The following PEPD variants were observed in gnomAD, a reference collection of about 807,000 sequenced individuals.
PEPD encodes peptidase D, also known as xaa-Pro dipeptidase.
In PEPD, 53 loss-of-function variants were observed where a neutral mutation model predicts 60.7. The observed-to-expected ratio is 0.87, with a 90% CI of 0.70 to 1.10. PEPD has a LOEUF of 1.10. Ranked by LOEUF, PEPD falls within the 50% of genes least tolerant of loss-of-function variation. The pLI is 0.00. For missense variants in PEPD, 711 were observed against 711.9 expected (o/e 1.00, Z 0.01); for synonymous variants, 267 against 284.1 (o/e 0.94, Z 0.60).
intron 9 of PEPD, among the ~76,000 whole-genome samples, chr19:33,418,237 G>GTACAC (rs1291698263): frequency 6.6e-6 from 1 of 152,200 alleles, no homozygotes; most frequent in Non-Finnish European, 1.5e-5. Flanking sequence ...TAATTGCTGC[G>GTACAC]ATATTTTCTG....
At chr19:33,463,333 C>T (rs1969963983) in intron 8 of PEPD, among the ~76,000 whole-genome samples, 2 of 152,326 alleles carry the variant, frequency 1.3e-5, no homozygotes, top group South Asian at 4.1e-4. Context: ...GAGGATTTAA[C>T]CACGAGGTGC....
chr19:33,413,472 G>T, intron 10 of PEPD, 103 bp downstream of exon 10: 1 of 727,558 alleles, frequency 1.4e-6, no homozygotes, highest in Non-Finnish European at 2.5e-6. Context: ...GCGTGTGAGT[G>T]AGCAAGTGTG....
chr19:33,410,366 G>A (rs1027078090), intron 11 of PEPD, among the ~76,000 whole-genome samples: 20 of 152,352 alleles, frequency 1.3e-4, no homozygotes, highest in Non-Finnish European at 2.1e-4. Flanking sequence ...GGAGGACCCC[G>A]AGACTGAGTG....
At chr19:33,517,740 G>C (rs560241249) in intron 1 of PEPD, among the ~76,000 whole-genome samples, 19 of 151,888 alleles carry the variant, frequency 1.3e-4, no homozygotes, top group African/African-American at 3.9e-4. Context: ...GCTGAAGTGG[G>C]TGGGTCACGA....
In PEPD at chr19:33,517,018, C is replaced by A. The variant is rs866881610; in HGVS notation, c.18-4242G>T. On this transcript the variant is annotated intron_variant, in intron 1 of 14. Transcript: ENST00000244137. ...AACATGGCAAAACCCCCATCTCTAC[C>A]GAAAACACAAAAATTAGTCAGGAAT... is the stretch of plus-strand genomic sequence containing the variant. Among the ~76,000 whole-genome samples, 131 of 151,736 alleles carry A rather than the reference C, an allele frequency of 8.6e-4. 1 individual carries two copies. The highest frequency in any genetic ancestry group is 3.0e-3 in the African/African-American group (123 of 41,322).
At chr19:33,473,524 T>C (rs1296206039) in intron 7 of PEPD, among the ~76,000 whole-genome samples, 2 of 151,094 alleles carry the variant, frequency 1.3e-5, no homozygotes, top group South Asian at 2.1e-4. Context: ...AACCGGCAGA[T>C]GACTCAATTT....
intron 14 of PEPD, 197 bp from the exon 15 acceptor site, chr19:33,387,678 A>G: frequency 1.3e-6 from 1 of 792,882 alleles, no homozygotes; most frequent in Non-Finnish European, 2.1e-6. Flanking sequence ...GGTGGATGGG[A>G]GCCCCTGGAG....
At chr19:33,434,181 C>T (rs979423372) in intron 9 of PEPD, among the ~76,000 whole-genome samples, 1 of 152,122 alleles carries the variant, frequency 6.6e-6, no homozygotes, top group Non-Finnish European at 1.5e-5. Context: ...ACTGTGGCAA[C>T]AATCTGCTCG....
intron 9 of PEPD, among the ~76,000 whole-genome samples, chr19:33,442,870 G>C (rs1969510403): frequency 6.6e-6 from 1 of 152,114 alleles, no homozygotes; most frequent in Non-Finnish European, 1.5e-5. Flanking sequence ...ATGTGGTCAG[G>C]CCTCGGGGAA....
In PEPD at chr19:33,477,959, G is replaced by A. The variant is rs116191310; in HGVS notation, c.548+87C>T. Reference sequence around the variant, plus strand: ...GAATCTGCTTTCTGAGGGGCTCTCTGAGACGGTGTGGGCAGGAACAACAGG... The same window carrying A: ...GAATCTGCTTTCTGAGGGGCTCTCTAAGACGGTGTGGGCAGGAACAACAGG... On this transcript the variant is annotated intron_variant, in intron 7 of 14. Transcript: ENST00000244137. 2,756 of 885,436 alleles carry A rather than the reference G, an allele frequency of 3.1e-3. 49 individuals carry two copies. The African/African-American group carries it at 0.039, about 13-fold the overall frequency. 54.8% of individuals were successfully genotyped at this position (885,436 alleles called of 1,614,324 possible).
Position 33,514,046 on chromosome 19 carries a change from G to A in PEPD, c.18-1270C>T, listed in dbSNP as rs142867090. Among the ~76,000 whole-genome samples, 563 of 151,888 alleles carry A rather than the reference G, an allele frequency of 3.7e-3. 2 individuals are homozygous for A. The highest frequency in any genetic ancestry group is 0.013 in the African/African-American group (551 of 41,458). ...TGTAAGCTCCCTGAGGGCAGGGACA[G>A]AGCAGGTGTCGGTATCTATGGAATG... On this transcript the variant is annotated intron_variant, in intron 1 of 14. Coordinates refer to ENST00000244137, the MANE Select transcript of PEPD (RefSeq NM_000285.4).
intron 9 of PEPD, among the ~76,000 whole-genome samples, chr19:33,420,297 T>C (rs952710782): frequency 2.6e-5 from 4 of 152,250 alleles, no homozygotes; most frequent in Admixed American, 6.5e-5. Flanking sequence ...AAAAAGTCAC[T>C]GATCGTGTTA....
intron 9 of PEPD, among the ~76,000 whole-genome samples, chr19:33,455,507 CT>C (rs1164516631): frequency 5.6e-4 from 80 of 143,440 alleles, no homozygotes; most frequent in Admixed American, 5.6e-4. Flanking sequence ...TTTTTTTTCT[CT>C]TTTTTTTTTT....
chr19:33,409,351 C>T (rs8103728), intron 11 of PEPD, among the ~76,000 whole-genome samples: 1 of 152,044 alleles, frequency 6.6e-6, no homozygotes, highest in Non-Finnish European at 1.5e-5. Context: ...AGCCAGAATG[C>T]GCTACAGGGT....
chr19:33,455,199 CAA>C (rs1969773572), intron 9 of PEPD, among the ~76,000 whole-genome samples: 1 of 152,166 alleles, frequency 6.6e-6, no homozygotes, highest in Admixed American at 6.5e-5. Context: ...TCCATGGTAA[CAA>C]ATGTTCTAAA....
intron 12 of PEPD, among the ~76,000 whole-genome samples, chr19:33,397,325 C>T (rs1340258201): frequency 6.6e-6 from 1 of 152,070 alleles, no homozygotes; most frequent in Non-Finnish European, 1.5e-5. Flanking sequence ...TTTATTTACT[C>T]TCCCTGGAAG....
At chr19:33,393,266 G>C in intron 12 of PEPD, among the ~76,000 whole-genome samples, 1 of 145,764 alleles carries the variant, frequency 6.9e-6, no homozygotes, top group Non-Finnish European at 1.5e-5. Context: ...GTGGGGGAGG[G>C]CCCGGGGTCT....
intron 13 of PEPD, 69 bp downstream of exon 13, chr19:33,391,226 C>A: frequency 7.6e-7 from 1 of 1,315,622 alleles, no homozygotes; most frequent in Non-Finnish European, 1.1e-6. Flanking sequence ...AGAGTCCCAC[C>A]CTGCCCTGGG....
chr19:33,483,974 C>T (rs1600152085), intron 6 of PEPD, among the ~76,000 whole-genome samples: 1 of 152,166 alleles, frequency 6.6e-6, no homozygotes, highest in East Asian at 1.9e-4. Flanking sequence ...CTATGTAATG[C>T]CATGGTTGTG....
Sources: gnomAD v4.1 joint callset for allele counts (sites outside exome capture counted in the v4.1 genomes callset) on GRCh38, gnomAD v4.1.1 for gene constraint, MANE v1.5 for transcripts, NCBI Gene and HGNC (gene_info 2026-07-23, HGNC 2026-07-21) for gene names.